SGCZ: variants seen among roughly 807,000 people sequenced by gnomAD.
SGCZ encodes the protein sarcoglycan zeta.
Under a neutral mutation model 41.3 loss-of-function variants are expected in SGCZ, and 40 were observed. That is an observed-to-expected ratio of 0.97 (90% CI 0.75 to 1.26). The LOEUF is 1.26. Among genes scored for constraint, SGCZ ranks in the 50% most tolerant of loss-of-function variants. SGCZ has a pLI of 0.00. For missense variants in SGCZ, 552 were observed against 369.8 expected (o/e 1.49, Z -4.04); for synonymous variants, 206 against 137.5 (o/e 1.50, Z -3.49).
intron 2 of SGCZ, among the ~76,000 whole-genome samples, chr8:14,364,286 C>A (rs1475312916): frequency 6.6e-6 from 1 of 152,058 alleles, no homozygotes; most frequent in Non-Finnish European, 1.5e-5. Flanking sequence ...TGTTGGTGGA[C>A]CCCGATGGCT....
At chr8:15,094,208 C>T (rs1806253313) in intron 1 of SGCZ, among the ~76,000 whole-genome samples, 1 of 151,910 alleles carries the variant, frequency 6.6e-6, no homozygotes, top group Non-Finnish European at 1.5e-5. Flanking sequence ...GATCTTGGCT[C>T]ACTGCTAACT....
At chr8:14,611,964 C>A (rs1585124199) in intron 1 of SGCZ, among the ~76,000 whole-genome samples, 1 of 152,044 alleles carries the variant, frequency 6.6e-6, no homozygotes, top group African/African-American at 2.4e-5. Context: ...CTTAAAAATT[C>A]TTAGTAATTC....
intron 2 of SGCZ, among the ~76,000 whole-genome samples, chr8:14,531,156 A>G (rs549805418): frequency 1.3e-5 from 2 of 151,982 alleles, no homozygotes; most frequent in Non-Finnish European, 2.9e-5. Flanking sequence ...GGTTCTTTAC[A>G]CTATCATACC....
intron 2 of SGCZ, among the ~76,000 whole-genome samples, chr8:14,382,010 C>T (rs766804422): frequency 1.3e-5 from 2 of 152,046 alleles, no homozygotes; most frequent in East Asian, 1.9e-4. Flanking sequence ...TTGTCATTTC[C>T]GGAGCTTTAC....
At chr8:14,326,973 G>A (rs1802141282) in intron 2 of SGCZ, among the ~76,000 whole-genome samples, 1 of 149,830 alleles carries the variant, frequency 6.7e-6, no homozygotes, top group Non-Finnish European at 1.5e-5. Context: ...TCATAAAGAT[G>A]TGGTATTCTT....
At position 14,108,237 on chromosome 8, in the gene SGCZ, T is replaced by C; in HGVS notation, c.548-2A>G. On this transcript the variant is annotated splice_acceptor_variant, in intron 5 of 7. Coordinates refer to ENST00000382080, the MANE Select transcript of SGCZ (RefSeq NM_139167.4). LOFTEE classifies it high-confidence loss of function. ...GCCCAAATACGGCTCCTTCAGTGCCTGGGGGTAGCATGAATATAGCAGTCA... is the reference window on the plus strand; with the variant it reads ...GCCCAAATACGGCTCCTTCAGTGCCCGGGGGTAGCATGAATATAGCAGTCA... The C allele has an allele frequency of 6.2e-7, 1 of 1,613,998 alleles. No homozygotes were observed. The highest frequency in any genetic ancestry group is 8.5e-7 in the Non-Finnish European group (1 of 1,179,952).
intron 3 of SGCZ, among the ~76,000 whole-genome samples, chr8:14,302,867 GCTCT>G (rs1415751044): frequency 2.0e-5 from 3 of 152,126 alleles, no homozygotes; most frequent in South Asian, 2.1e-4. Context: ...TCAAAAGAGG[GCTCT>G]CTATTTCTCA....
intron 1 of SGCZ, among the ~76,000 whole-genome samples, chr8:15,065,284 A>G (rs1363479183): frequency 2.0e-5 from 3 of 151,760 alleles, no homozygotes; most frequent in African/African-American, 7.3e-5. Context: ...TTCCTTCCTC[A>G]TTGTCGAGGC....
chr8:14,712,829 G>T (rs988006816), intron 1 of SGCZ, among the ~76,000 whole-genome samples: 1 of 151,794 alleles, frequency 6.6e-6, no homozygotes, highest in Non-Finnish European at 1.5e-5. Context: ...TTTTTAATGT[G>T]AATGAGTCAC....
chr8:14,402,858 G>C (rs1290021731), intron 2 of SGCZ, among the ~76,000 whole-genome samples: 1 of 149,562 alleles, frequency 6.7e-6, no homozygotes, highest in Non-Finnish European at 1.5e-5. Context: ...GGATGGCATT[G>C]AATCTGTAAA....
chr8:14,535,109 T>C (rs887971076), intron 2 of SGCZ, among the ~76,000 whole-genome samples: 42 of 151,988 alleles, frequency 2.8e-4, no homozygotes, highest in Non-Finnish European at 1.5e-5. Context: ...TACACAAACA[T>C]TTGATTCAAC....
intron 1 of SGCZ, among the ~76,000 whole-genome samples, chr8:15,023,703 T>C (rs907223694): frequency 2.0e-5 from 3 of 152,218 alleles, no homozygotes; most frequent in African/African-American, 7.2e-5. Flanking sequence ...TCCCATGCCA[T>C]GGAGAATTTG....
intron 1 of SGCZ, among the ~76,000 whole-genome samples, chr8:15,016,436 T>G (rs1032867637): frequency 2.0e-5 from 3 of 152,176 alleles, no homozygotes; most frequent in African/African-American, 2.4e-5. Context: ...CTCTCTCCTG[T>G]TTGTAGCATA....
intron 1 of SGCZ, among the ~76,000 whole-genome samples, chr8:14,762,403 C>T (rs1248167457): frequency 6.6e-6 from 1 of 152,106 alleles, no homozygotes; most frequent in East Asian, 1.9e-4. Context: ...TCTCACTAAG[C>T]CTCAGCTTCC....
chr8:15,002,880 C>A (rs936878293), intron 1 of SGCZ, among the ~76,000 whole-genome samples: 2 of 152,006 alleles, frequency 1.3e-5, no homozygotes, highest in Non-Finnish European at 2.9e-5. Flanking sequence ...TAGGAGGGAC[C>A]CTGGGGGAGG....
intron 1 of SGCZ, among the ~76,000 whole-genome samples, chr8:15,138,752 C>G (rs1238471408): frequency 1.3e-5 from 2 of 152,034 alleles, no homozygotes; most frequent in African/African-American, 2.4e-5. Flanking sequence ...TATAAATTAC[C>G]CAGTCTCAGG....
chr8:15,173,627 G>A (rs868287224), intron 1 of SGCZ, among the ~76,000 whole-genome samples: 1 of 152,156 alleles, frequency 6.6e-6, no homozygotes, highest in Non-Finnish European at 1.5e-5. Flanking sequence ...TATTCTTGAA[G>A]ATTCATTTTA....
chr8:14,808,056 C>T (rs1294852271), intron 1 of SGCZ, among the ~76,000 whole-genome samples: 2 of 152,004 alleles, frequency 1.3e-5, no homozygotes, highest in Non-Finnish European at 2.9e-5. Flanking sequence ...GGATCCCTTC[C>T]TTACACCTTA....
intron 2 of SGCZ, among the ~76,000 whole-genome samples, chr8:14,455,732 T>A (rs978110914): frequency 2.6e-5 from 4 of 152,258 alleles, no homozygotes; most frequent in Non-Finnish European, 5.9e-5. Flanking sequence ...GTTGAATAAA[T>A]TATGGCACAT....
Sources: gnomAD v4.1 joint callset for allele counts (sites outside exome capture counted in the v4.1 genomes callset) on GRCh38, gnomAD v4.1.1 for gene constraint, MANE v1.5 for transcripts, NCBI Gene and HGNC (gene_info 2026-07-23, HGNC 2026-07-21) for gene names.